Variants in UBE3A observed in about 807,000 individuals in gnomAD.
The protein encoded by UBE3A is ubiquitin protein ligase E3A.
Under a neutral mutation model 83.4 loss-of-function variants are expected in UBE3A, and 6 were observed. That is an observed-to-expected ratio of 0.07 (90% CI 0.04 to 0.14). The LOEUF (loss-of-function observed/expected upper bound fraction) is 0.14. UBE3A is among the 10% of genes least tolerant of loss of function. The pLI is 1.00. For synonymous variants in UBE3A, 337 were observed against 355.4 expected (o/e 0.95, Z 0.58); for missense variants, 456 against 1,036.1 (o/e 0.44, Z 7.69).
rs1889607422 is a variant in UBE3A, at chr15:25,421,108, T to A, written c.-164-9137A>T. Reference sequence around the variant, plus strand: ...GTTGGGGGTGGGGCCTGGTGGGAGGTAACTGGGTCATGGGAGCAATCCCTC... The same window carrying A: ...GTTGGGGGTGGGGCCTGGTGGGAGGAAACTGGGTCATGGGAGCAATCCCTC... On this transcript the variant is annotated intron_variant, in intron 1 of 12. Transcript: ENST00000648336. 3.3e-5 allele frequency among the ~76,000 whole-genome samples: 5 copies of A among 152,044 alleles called. No homozygotes were observed. The South Asian group carries it at 1.0e-3, about 31-fold the overall frequency.
intron 11 of UBE3A, among the ~76,000 whole-genome samples, chr15:25,349,973 T>TA (rs990875345): frequency 2.6e-5 from 4 of 152,136 alleles, no homozygotes; most frequent in South Asian, 4.1e-4. Context: ...ATTTAAAACT[T>TA]AAGAGTTGTT....
chr15:25,432,359 T>A (rs1893727434), intron 1 of UBE3A, among the ~76,000 whole-genome samples: 1 of 152,218 alleles, frequency 6.6e-6, no homozygotes, highest in South Asian at 2.1e-4. Context: ...ACAAAGGCAA[T>A]TCTAAGACTA....
intron 4 of UBE3A, among the ~76,000 whole-genome samples, chr15:25,383,922 CATG>C (rs1006551215): frequency 2.6e-5 from 4 of 151,904 alleles, no homozygotes; most frequent in Admixed American, 2.6e-4. Flanking sequence ...TAGCAAATGA[CATG>C]ATCTTTTATG....
At position 25,371,827 on chromosome 15, in the gene UBE3A, G is replaced by C. The variant is rs767297415; in HGVS notation, c.362-15C>G. 1 of 1,594,468 alleles carries C rather than the reference G, an allele frequency of 6.3e-7. No homozygotes were observed. The highest frequency in any genetic ancestry group is 2.2e-5 in the East Asian group (1 of 44,776). ...GTAAGTCACATCTAGAAAATCAGAG[G>C]AAAAAAGAGAACATTTATTTTCATA... On this transcript the variant is annotated splice_polypyrimidine_tract_variant and intron_variant, in intron 5 of 12. Coordinates refer to ENST00000648336, the MANE Select transcript of UBE3A (RefSeq NM_130839.5). This position sits in a 1 kb window ranked among gnomAD's most constrained non-coding sequence, Gnocchi z 5.3.
chr15:25,341,830 C>T (rs1216897532), intron 11 of UBE3A, among the ~76,000 whole-genome samples: 2 of 147,344 alleles, frequency 1.4e-5, no homozygotes, highest in African/African-American at 5.0e-5. Context: ...GAGAACATCA[C>T]ACATCCCAAA....
At chr15:25,436,104 C>G (rs190309479) in intron 1 of UBE3A, among the ~76,000 whole-genome samples, 3 of 152,116 alleles carry the variant, frequency 2.0e-5, no homozygotes, top group Non-Finnish European at 4.4e-5. Flanking sequence ...TACCACTATA[C>G]ATACCAAGAT....
intron 1 of UBE3A, among the ~76,000 whole-genome samples, chr15:25,426,209 T>A (rs1239616167): frequency 6.6e-6 from 1 of 152,216 alleles, no homozygotes; most frequent in African/African-American, 2.4e-5. Context: ...TCAACTGTCA[T>A]CTATGAAAAT....
chr15:25,350,240 A>G (rs1455003144), intron 11 of UBE3A, among the ~76,000 whole-genome samples: 1 of 151,964 alleles, frequency 6.6e-6, no homozygotes. Flanking sequence ...GTTTCAGTTT[A>G]TAACAATCTG....
rs1348625148 is a variant in UBE3A, at chr15:25,398,775, A to T, written c.62+6686T>A. Among the ~76,000 whole-genome samples, 118 of 18,078 alleles carry T rather than the reference A, an allele frequency of 6.5e-3. 1 individual carries two copies. Among genetic ancestry groups the T allele is most frequent in the Middle Eastern group, 0.031 (1 of 32 alleles). 11.9% of individuals were successfully genotyped at this position (18,078 alleles called of 152,430 possible). On this transcript the variant is annotated intron_variant, in intron 4 of 12. Transcript: ENST00000648336. ...GCACTGATTTTATTCTTTTATTTATATATATATATATATATATATATATAT... is the reference window on the plus strand; with the variant it reads ...GCACTGATTTTATTCTTTTATTTATTTATATATATATATATATATATATAT...
intron 3 of UBE3A, 102 bp from the exon 4 acceptor site, chr15:25,405,604 C>A: frequency 7.9e-7 from 1 of 1,259,494 alleles, no homozygotes; most frequent in Non-Finnish European, 1.2e-6. Flanking sequence ...AAGATTTAAG[C>A]ACTAAATAAA....
chr15:25,432,266 A>C (rs1199192532), intron 1 of UBE3A, among the ~76,000 whole-genome samples: 1 of 152,190 alleles, frequency 6.6e-6, no homozygotes, highest in Non-Finnish European at 1.5e-5. Context: ...TTCTATATTT[A>C]ATTAGGAGGT....
chr15:25,377,616 G>T (rs2081431008), intron 4 of UBE3A, among the ~76,000 whole-genome samples: 1 of 152,144 alleles, frequency 6.6e-6, no homozygotes, highest in African/African-American at 2.4e-5. Flanking sequence ...TGACTTCCCT[G>T]GTGAAAATGT....
chr15:25,365,101 T>C (rs561954417), intron 6 of UBE3A, among the ~76,000 whole-genome samples: 5 of 152,276 alleles, frequency 3.3e-5, no homozygotes, highest in Admixed American at 1.3e-4. Flanking sequence ...TTTAAGACTC[T>C]TGATTTCATC....
chr15:25,367,404 G>A (rs534045410), intron 6 of UBE3A, among the ~76,000 whole-genome samples: 2 of 151,704 alleles, frequency 1.3e-5, no homozygotes, highest in South Asian at 2.1e-4. Flanking sequence ...TCAAATGAAA[G>A]GTGAAGTCTA....
rs568551953 is a variant in UBE3A at position 25,344,322 on chromosome 15, T to C, written c.2355-4094A>G. On this transcript the variant is annotated intron_variant, in intron 11 of 12. Transcript: ENST00000648336. ...CAATAATGTGGGATGATTCTCAGGATACACTAGGAAGATTATTTTCCTAGT... is the reference window on the plus strand; with the variant it reads ...CAATAATGTGGGATGATTCTCAGGACACACTAGGAAGATTATTTTCCTAGT... Among the ~76,000 whole-genome samples, 38 of 152,314 alleles carry C rather than the reference T, an allele frequency of 2.5e-4. 1 individual carries two copies. The South Asian group carries it at 7.7e-3, about 31-fold the overall frequency.
intron 6 of UBE3A, among the ~76,000 whole-genome samples, chr15:25,363,107 A>G (rs2078396616): frequency 6.6e-6 from 1 of 152,186 alleles, no homozygotes; most frequent in Admixed American, 6.5e-5. Flanking sequence ...ATTTATCTTT[A>G]TTCTCCATAA....
At chr15:25,367,243 AT>A (rs2079393602) in intron 6 of UBE3A, among the ~76,000 whole-genome samples, 1 of 77,462 alleles carries the variant, frequency 1.3e-5, no homozygotes, top group Non-Finnish European at 2.4e-5. Flanking sequence ...AAATATGTAA[AT>A]ATTTGCATAT....
intron 4 of UBE3A, among the ~76,000 whole-genome samples, chr15:25,376,068 T>C (rs920863514): frequency 1.3e-5 from 2 of 152,158 alleles, no homozygotes; most frequent in Non-Finnish European, 2.9e-5. Flanking sequence ...GCTTAAGTTG[T>C]TTAGTACAAC....
chr15:25,367,193 A>T (rs998222001), intron 6 of UBE3A, among the ~76,000 whole-genome samples: 1 of 119,032 alleles, frequency 8.4e-6, no homozygotes, highest in Non-Finnish European at 1.6e-5. Flanking sequence ...ATATGTAAAT[A>T]TTTACATATT....
Sources: gnomAD v4.1 joint callset for allele counts (sites outside exome capture counted in the v4.1 genomes callset) on GRCh38, gnomAD v4.1.1 for gene constraint, Gnocchi (gnomAD v3.1) non-coding constraint, MANE v1.5 for transcripts, NCBI Gene and HGNC (gene_info 2026-07-23, HGNC 2026-07-21) for gene names.